SLC35D4: variants seen among roughly 807,000 people sequenced by gnomAD.
SLC35D4 encodes UDP-N-acetylglucosamine transporter SLC35D4.
At chr18:23,289,924 C>T in the SLC35D4 span, among the ~76,000 whole-genome samples, 1 of 152,138 alleles carries the variant, frequency 6.6e-6, no homozygotes, top group African/African-American at 2.4e-5. Flanking sequence ...TAAAACGGCC[C>T]CACCCCTATC....
At chr18:23,273,655 A>G in the SLC35D4 span, among the ~76,000 whole-genome samples, 1 of 152,178 alleles carries the variant, frequency 6.6e-6, no homozygotes, top group Non-Finnish European at 1.5e-5. Context: ...GGGTGACTGC[A>G]TATTCCACAC....
chr18:23,411,563 G>A, the SLC35D4 span, among the ~76,000 whole-genome samples: 1 of 137,046 alleles, frequency 7.3e-6, no homozygotes, highest in African/African-American at 2.6e-5. Flanking sequence ...GGTGTGTGCT[G>A]TAGGGTCTCC....
chr18:23,435,051 G>A, the SLC35D4 span, among the ~76,000 whole-genome samples: 1 of 151,162 alleles, frequency 6.6e-6, no homozygotes, highest in Admixed American at 6.6e-5. Context: ...CCAGCTACTC[G>A]GGAGGCTGAG....
the SLC35D4 span, among the ~76,000 whole-genome samples, chr18:23,428,518 A>G: frequency 6.6e-6 from 1 of 152,082 alleles, no homozygotes; most frequent in Non-Finnish European, 1.5e-5. Flanking sequence ...ACCCAAATTT[A>G]TTAATTTTTA....
At chr18:23,321,351 G>T in the SLC35D4 span, among the ~76,000 whole-genome samples, 341 of 152,046 alleles carry the variant, frequency 2.2e-3, no homozygotes, top group Non-Finnish European at 3.6e-3. Flanking sequence ...TTTTTTATAC[G>T]TGCAAAAACA....
chr18:23,381,012 G>C, the SLC35D4 span, among the ~76,000 whole-genome samples: 32 of 152,314 alleles, frequency 2.1e-4, no homozygotes, highest in African/African-American at 7.5e-4. Context: ...GTGAGGTGGC[G>C]TGCAAGTGTG....
the SLC35D4 span, among the ~76,000 whole-genome samples, chr18:23,370,047 C>T: frequency 8.5e-5 from 13 of 152,226 alleles, no homozygotes; most frequent in Middle Eastern, 3.4e-3. Context: ...AGCATGGTGG[C>T]GCATGCCTGT....
At chr18:23,288,111 A>G in the SLC35D4 span, among the ~76,000 whole-genome samples, 3 of 152,112 alleles carry the variant, frequency 2.0e-5, no homozygotes, top group Admixed American at 1.3e-4. Context: ...CTGGACTTCA[A>G]TCTGGCCTCC....
chr18:23,416,136 G>A, the SLC35D4 span, among the ~76,000 whole-genome samples: 65 of 152,296 alleles, frequency 4.3e-4, no homozygotes, highest in African/African-American at 1.4e-3. Context: ...GCTTGAACCC[G>A]GGAGGCAGAA....
the SLC35D4 span, among the ~76,000 whole-genome samples, chr18:23,248,301 A>G: frequency 6.6e-6 from 1 of 152,096 alleles, no homozygotes; most frequent in Non-Finnish European, 1.5e-5. Flanking sequence ...GTTCAGTTTC[A>G]GTAGTGGTAA....
At chr18:23,272,419 TGG>T in the SLC35D4 span, among the ~76,000 whole-genome samples, 6 of 152,146 alleles carry the variant, frequency 3.9e-5, no homozygotes, top group Admixed American at 3.3e-4. Context: ...CACTCCAGCC[TGG>T]GCAACAGAGC....
At chr18:23,377,624 G>T in the SLC35D4 span, 47 of 1,570,508 alleles carry the variant, frequency 3.0e-5, no homozygotes, top group Non-Finnish European at 3.9e-5. Flanking sequence ...ATGGCTTTTT[G>T]GGGGGAGGGC....
chr18:23,376,944 G>A, the SLC35D4 span: 1,069 of 456,698 alleles, frequency 2.3e-3, 2 homozygotes, highest in Non-Finnish European at 4.3e-3. Context: ...GGTGCAACCT[G>A]TAATAAAGGA....
the SLC35D4 span, among the ~76,000 whole-genome samples, chr18:23,420,664 C>T: frequency 6.6e-6 from 1 of 151,880 alleles, no homozygotes; most frequent in Admixed American, 6.6e-5. Context: ...GCATGAGCCA[C>T]CATGCCCAGC....
chr18:23,327,140 T>C, the SLC35D4 span, among the ~76,000 whole-genome samples: 3 of 151,890 alleles, frequency 2.0e-5, no homozygotes, highest in Non-Finnish European at 4.4e-5. Flanking sequence ...TTAAAAGAAC[T>C]GGAAAAGCAA....
chr18:23,335,038 GA>G, the SLC35D4 span, among the ~76,000 whole-genome samples: 4 of 151,814 alleles, frequency 2.6e-5, no homozygotes, highest in African/African-American at 9.7e-5. Flanking sequence ...GCAAGAAGGA[GA>G]AAAAGCAAAT....
At chr18:23,375,061 G>A in the SLC35D4 span, among the ~76,000 whole-genome samples, 15 of 151,480 alleles carry the variant, frequency 9.9e-5, no homozygotes, top group Non-Finnish European at 1.5e-4. Context: ...GTTTCAGTGA[G>A]CCAAGATGGC....
chr18:23,349,609 C>A, the SLC35D4 span, among the ~76,000 whole-genome samples: 2 of 152,172 alleles, frequency 1.3e-5, no homozygotes, highest in Non-Finnish European at 2.9e-5. Flanking sequence ...CCAGCCTGGG[C>A]GACAGAGCGA....
the SLC35D4 span, among the ~76,000 whole-genome samples, chr18:23,356,918 A>G: frequency 6.6e-6 from 1 of 152,214 alleles, no homozygotes; most frequent in Admixed American, 6.5e-5. This position sits in a 1 kb window ranked among gnomAD's most constrained non-coding sequence, Gnocchi z 4.1. Flanking sequence ...ATCTTTATGT[A>G]TTTATCTCTT....
Sources: gnomAD v4.1 joint callset for allele counts (sites outside exome capture counted in the v4.1 genomes callset) on GRCh38, gnomAD v4.1.1 for gene constraint, Gnocchi (gnomAD v3.1) non-coding constraint, MANE v1.5 for transcripts, NCBI Gene and HGNC (gene_info 2026-07-23, HGNC 2026-07-21) for gene names.